Variants in EYA1 observed in about 807,000 individuals in gnomAD.
EYA1 encodes the protein protein phosphatase EYA1.
EYA1 carries 16 observed loss-of-function variants against 82.0 expected under a neutral mutation model. The observed-to-expected ratio is 0.20, with a 90% CI of 0.13 to 0.30. EYA1 has a LOEUF of 0.30. Among genes scored for constraint, EYA1 ranks in the 10% least tolerant of loss-of-function variants. The pLI, the probability that EYA1 is intolerant of heterozygous loss-of-function variation, is 1.00. For missense variants in EYA1, 633 were observed against 730.7 expected (o/e 0.87, Z 1.54); for synonymous variants, 261 against 264.4 (o/e 0.99, Z 0.12).
In EYA1 at chr8:71,294,025, T is replaced by TA. The variant is rs201000727; in HGVS notation, c.826+5021dup. Among the ~76,000 whole-genome samples the TA allele has an allele frequency of 1.2e-3, 171 of 145,276 alleles. 1 individual carries two copies. Among genetic ancestry groups the TA allele is most frequent in the African/African-American group, 3.4e-3 (134 of 39,802 alleles). On this transcript the variant is annotated intron_variant, in intron 9 of 17. Coordinates refer to ENST00000340726, the MANE Select transcript of EYA1 (RefSeq NM_000503.6). ...AACATGATTGTCTATGTAGAAAATA[T>TA]AAAAAAAAAAAATCAACAAATACCC...
At chr8:71,269,416 A>T (rs998816404) in intron 11 of EYA1, among the ~76,000 whole-genome samples, 1 of 152,252 alleles carries the variant, frequency 6.6e-6, no homozygotes, top group Non-Finnish European at 1.5e-5. Context: ...GAAAAGTAAA[A>T]GAGAACACGA....
At chr8:71,512,661 T>A (rs967572930) in intron 2 of EYA1, among the ~76,000 whole-genome samples, 2 of 151,880 alleles carry the variant, frequency 1.3e-5, no homozygotes, top group African/African-American at 4.8e-5. Context: ...AAAAAAAATC[T>A]AACATAAGCA....
intron 2 of EYA1, among the ~76,000 whole-genome samples, chr8:71,489,431 G>A (rs1810826210): frequency 6.6e-6 from 1 of 151,974 alleles, no homozygotes; most frequent in Admixed American, 6.6e-5. Flanking sequence ...AGAATCAATA[G>A]ATAAAAATAA....
intron 2 of EYA1, among the ~76,000 whole-genome samples, chr8:71,374,252 A>G (rs1414642299): frequency 2.6e-5 from 4 of 152,212 alleles, no homozygotes; most frequent in Non-Finnish European, 5.9e-5. Flanking sequence ...ATTGGTTAAT[A>G]TCCAAAATAT....
intron 16 of EYA1, among the ~76,000 whole-genome samples, chr8:71,214,704 A>G (rs192970159): frequency 1.4e-3 from 215 of 152,344 alleles, no homozygotes; most frequent in African/African-American, 4.9e-3. Context: ...TTGACTTTAA[A>G]TGCAAAATGC....
In EYA1 at chr8:71,198,362, A is replaced by G. The variant is rs1429185749; in HGVS notation, c.*978T>C. On this transcript the variant is annotated 3_prime_UTR_variant, in exon 18 of 18. Transcript: ENST00000340726. ...TTCATCAAGGCCCTCAGAAGAACTG[A>G]TGCAGGAAAAAATTTTAGAAAACAA... The G allele has an allele frequency of 6.6e-6, 1 of 152,616 alleles. No individual in the cohort carries two copies. Among genetic ancestry groups the G allele is most frequent in the Non-Finnish European group, 1.5e-5 (1 of 68,026 alleles). The allele number at this position is 152,616 out of a possible 1,614,324, so 9.5% of individuals were successfully genotyped here. A position where few individuals can be genotyped will look rare whatever the true frequency, so the allele number is the denominator to read the frequency against.
chr8:71,517,893 A>G (rs935150366), intron 2 of EYA1, among the ~76,000 whole-genome samples: 6 of 151,734 alleles, frequency 4.0e-5, no homozygotes, highest in Non-Finnish European at 5.9e-5. Flanking sequence ...TGAAAAATAT[A>G]CAGGATAAAG....
intron 1 of EYA1, among the ~76,000 whole-genome samples, chr8:71,547,201 G>A (rs898552348): frequency 6.6e-6 from 1 of 152,212 alleles, no homozygotes; most frequent in Non-Finnish European, 1.5e-5. Context: ...GGGCCAGAAA[G>A]CGCTAAAACT....
intron 4 of EYA1, among the ~76,000 whole-genome samples, chr8:71,324,697 G>A (rs1822953025): frequency 6.6e-6 from 1 of 152,110 alleles, no homozygotes; most frequent in Non-Finnish European, 1.5e-5. Context: ...TTGAACCCAG[G>A]TCTGCCTAAC....
chr8:71,379,093 A>C (rs527872125), intron 2 of EYA1, among the ~76,000 whole-genome samples: 2 of 152,146 alleles, frequency 1.3e-5, no homozygotes, highest in Admixed American at 6.5e-5. Flanking sequence ...CAGTGGGTAC[A>C]TGAAAGTGCA....
chr8:71,439,759 A>G (rs1257356708), intron 2 of EYA1, among the ~76,000 whole-genome samples: 2 of 152,210 alleles, frequency 1.3e-5, no homozygotes, highest in East Asian at 3.8e-4. Flanking sequence ...ACCTACAGGT[A>G]CTAAAGGAAG....
intron 12 of EYA1, among the ~76,000 whole-genome samples, chr8:71,220,606 G>A (rs945303269): frequency 3.9e-5 from 6 of 152,150 alleles, no homozygotes; most frequent in African/African-American, 1.4e-4. Flanking sequence ...ATGATACAGC[G>A]CTTAATACAA....
intron 1 of EYA1, among the ~76,000 whole-genome samples, chr8:71,536,583 A>G (rs1014899952): frequency 6.6e-6 from 1 of 152,222 alleles, no homozygotes; most frequent in Admixed American, 6.5e-5. Flanking sequence ...CTCATGCTCA[A>G]ATGAGGTACT....
chr8:71,480,158 T>C (rs2129210927), intron 2 of EYA1, among the ~76,000 whole-genome samples: 1 of 152,340 alleles, frequency 6.6e-6, no homozygotes, highest in Non-Finnish European at 1.5e-5. Context: ...ATTGTTACAG[T>C]TTCCTTGATT....
intron 12 of EYA1, among the ~76,000 whole-genome samples, chr8:71,217,530 G>A (rs925802550): frequency 6.6e-6 from 1 of 152,128 alleles, no homozygotes; most frequent in Non-Finnish European, 1.5e-5. Context: ...TCTGTTACTG[G>A]TTTCCATTTA....
intron 3 of EYA1, among the ~76,000 whole-genome samples, chr8:71,344,841 G>T (rs1445786832): frequency 1.3e-5 from 2 of 152,190 alleles, no homozygotes; most frequent in African/African-American, 2.4e-5. Flanking sequence ...ATCAATGTGG[G>T]AAAATGGCTT....
intron 2 of EYA1, among the ~76,000 whole-genome samples, chr8:71,471,660 G>T (rs1809220249): frequency 6.6e-6 from 1 of 151,984 alleles, no homozygotes; most frequent in African/African-American, 2.4e-5. Flanking sequence ...CAAATTATTT[G>T]ATTATGAGCA....
chr8:71,364,887 A>G (rs1333737215), upstream of EYA1, among the ~76,000 whole-genome samples: 1 of 145,794 alleles, frequency 6.9e-6, no homozygotes, highest in Non-Finnish European at 1.5e-5. Context: ...CAATTTTGGT[A>G]GAAGAGTTTA....
chr8:71,279,798 A>AC (rs766962551), intron 9 of EYA1, among the ~76,000 whole-genome samples: 1 of 152,222 alleles, frequency 6.6e-6, no homozygotes, highest in Non-Finnish European at 1.5e-5. Flanking sequence ...ATGATGGGGC[A>AC]CGGAGACTAA....
Sources: gnomAD v4.1 joint callset for allele counts (sites outside exome capture counted in the v4.1 genomes callset) on GRCh38, gnomAD v4.1.1 for gene constraint, MANE v1.5 for transcripts, NCBI Gene and HGNC (gene_info 2026-07-23, HGNC 2026-07-21) for gene names.